Variants in CLTC observed in about 807,000 individuals in gnomAD.
CLTC encodes clathrin heavy chain 1.
CLTC carries 16 observed loss-of-function variants against 195.8 expected under a neutral mutation model. The ratio of observed to expected loss-of-function variants is 0.08; its 90% CI spans 0.06 to 0.12. The LOEUF (loss-of-function observed/expected upper bound fraction) is 0.12. Among genes scored for constraint, CLTC ranks in the 10% least tolerant of loss-of-function variants. CLTC has a pLI of 1.00. For synonymous variants in CLTC, 667 were observed against 689.4 expected (o/e 0.97, Z 0.51); for missense variants, 796 against 2,027.0 (o/e 0.39, Z 11.66).
Position 59,695,870 on chromosome 17 carries a change from A to C in CLTC, c.*2018A>C, listed in dbSNP as rs1373934517. On this transcript the variant is annotated 3_prime_UTR_variant, in exon 32 of 32. Transcript: ENST00000269122. Reference sequence around the variant, plus strand: ...TAATAATAGTATTATGAAAACATTGACTCTGTGGAGACCCTGTGGGTTCTG... The same window carrying C: ...TAATAATAGTATTATGAAAACATTGCCTCTGTGGAGACCCTGTGGGTTCTG... 1.0e-5 allele frequency: 2 copies of C among 196,162 alleles called. No homozygotes were observed. The highest frequency in any genetic ancestry group is 2.1e-5 in the Non-Finnish European group (2 of 94,636). 12.2% of individuals were successfully genotyped at this position (196,162 alleles called of 1,614,324 possible). A position where few individuals can be genotyped will look rare whatever the true frequency, so the allele number is the denominator to read the frequency against.
At position 59,682,129 on chromosome 17, in the gene CLTC, C is replaced by G. The variant is rs1019839584; in HGVS notation, c.3443-142C>G. 50 of 797,520 alleles carry G rather than the reference C, an allele frequency of 6.3e-5. No individual in the cohort carries two copies. The highest frequency in any genetic ancestry group is 9.7e-5 in the Non-Finnish European group (50 of 514,466). The allele number at this position is 797,520 out of a possible 1,614,324, so 49.4% of individuals were successfully genotyped here. ...TCTATTCATTTGGTCCGTGATAATA[C>G]AGAAGTGAAATATTGCACGGTTTAC... On this transcript the variant is annotated intron_variant, in intron 21 of 31. Transcript: ENST00000269122. The surrounding 1 kb of genome is among the most constrained non-coding windows in gnomAD (Gnocchi z 6.8).
At position 59,693,931 on chromosome 17, in the gene CLTC, A is replaced by G. The variant is rs529428177; in HGVS notation, c.*79A>G. The stretch of plus-strand genomic sequence containing the variant: ...CCCACTTCTCAGTTTATAATGGGGG[A>G]AAACAGGCAACGTGTTCTTGTAACC... On this transcript the variant is annotated 3_prime_UTR_variant, in exon 32 of 32. Transcript: ENST00000269122. 1 of 1,394,016 alleles carries G rather than the reference A, an allele frequency of 7.2e-7. No homozygotes were observed. The highest frequency in any genetic ancestry group is 1.6e-5 in the South Asian group (1 of 63,040). 86.4% of individuals were successfully genotyped at this position (1,394,016 alleles called of 1,614,324 possible).
At position 59,648,907 on chromosome 17, in the gene CLTC, C is replaced by G. The variant is rs1177709399; in HGVS notation, c.681+506C>G. On this transcript the variant is annotated intron_variant, in intron 4 of 31. Coordinates refer to ENST00000269122, the MANE Select transcript of CLTC (RefSeq NM_004859.4). This position sits in a 1 kb window ranked among gnomAD's most constrained non-coding sequence, Gnocchi z 4.5. ...ACAGGGTCTCACTATACTGCCCAGG[C>G]TGGTCTCAAACCTCTGGGTCCAAGT... Among the ~76,000 whole-genome samples the G allele has an allele frequency of 6.6e-6, 1 of 152,186 alleles. No homozygotes were observed. Among genetic ancestry groups the G allele is most frequent in the Admixed American group, 6.5e-5 (1 of 15,282 alleles).
intron 16 of CLTC, among the ~76,000 whole-genome samples, chr17:59,676,363 T>C (rs570321625): frequency 2.0e-4 from 30 of 152,232 alleles, no homozygotes; most frequent in Non-Finnish European, 3.8e-4. Flanking sequence ...GGTTTGGCTG[T>C]AGGTAATGCT....
chr17:59,626,111 T>TA (rs1171766573), intron 1 of CLTC, among the ~76,000 whole-genome samples: 6 of 152,330 alleles, frequency 3.9e-5, no homozygotes, highest in African/African-American at 7.2e-5. Flanking sequence ...TTTGAGTACT[T>TA]ACTGCAGATG....
At chr17:59,677,212 T>C (rs1267146579) in intron 17 of CLTC, 24 bp downstream of exon 17, 2 of 1,551,420 alleles carry the variant, frequency 1.3e-6, no homozygotes, top group Non-Finnish European at 1.8e-6. Flanking sequence ...GCTGAATATG[T>C]AGAGAAGCTG....
At chr17:59,671,569 C>A (rs1004908768) in intron 14 of CLTC, among the ~76,000 whole-genome samples, 1 of 152,174 alleles carries the variant, frequency 6.6e-6, no homozygotes, top group African/African-American at 2.4e-5. Context: ...TCATTAGCAT[C>A]ATTTGACTCA....
At chr17:59,621,582 C>T (rs959021875) in intron 1 of CLTC, among the ~76,000 whole-genome samples, 1 of 152,150 alleles carries the variant, frequency 6.6e-6, no homozygotes. Flanking sequence ...GACTTATTTT[C>T]CTTTAAGGCT....
rs372385170 is a variant in CLTC at position 59,676,834 on chromosome 17, C to T, written c.2562-120C>T. On this transcript the variant is annotated intron_variant, in intron 16 of 31. Coordinates refer to ENST00000269122, the MANE Select transcript of CLTC (RefSeq NM_004859.4). Reference sequence around the variant, plus strand: ...GGACAATGTAGCAATACTCGGGGGGCGGGGAAAAAGTATGTGAAAGCACAT... The same window carrying T: ...GGACAATGTAGCAATACTCGGGGGGTGGGGAAAAAGTATGTGAAAGCACAT... 87 of 729,752 alleles carry T rather than the reference C, an allele frequency of 1.2e-4. 1 individual carries two copies. In the Middle Eastern group the frequency reaches 1.5e-3, roughly 12 times the overall value. 45.2% of individuals were successfully genotyped at this position (729,752 alleles called of 1,614,324 possible).
chr17:59,645,849 A>G (rs562573583), intron 2 of CLTC, among the ~76,000 whole-genome samples: 1 of 78,708 alleles, frequency 1.3e-5, no homozygotes, highest in Admixed American at 1.4e-4. Context: ...ACTTCTATTT[A>G]GGGTATTAAG....
At position 59,666,696 on chromosome 17, in the gene CLTC, A is replaced by C. The variant is rs182966248; in HGVS notation, c.1947+52A>C. 2.8e-5 allele frequency: 44 copies of C among 1,567,956 alleles called. No homozygotes were observed. In the Admixed American group the frequency reaches 4.1e-4, roughly 15 times the overall value. ...GGTGTTAGTTGTGATTAATAGGTAC[A>C]CTGAAAATGTGTTTGTGGTACTAAA... is the stretch of plus-strand genomic sequence containing the variant. On this transcript the variant is annotated intron_variant, in intron 12 of 31. Coordinates refer to ENST00000269122, the MANE Select transcript of CLTC (RefSeq NM_004859.4). The surrounding 1 kb of genome is among the most constrained non-coding windows in gnomAD (Gnocchi z 4.9).
intron 1 of CLTC, among the ~76,000 whole-genome samples, chr17:59,638,564 AGTG>A (rs1287077842): frequency 7.2e-6 from 1 of 138,088 alleles, no homozygotes; most frequent in Non-Finnish European, 1.6e-5. Flanking sequence ...TGGGGGTGGG[AGTG>A]GGGGTGGGAT....
chr17:59,646,115 A>G (rs1199385370), intron 2 of CLTC: 1 of 349,324 alleles, frequency 2.9e-6, no homozygotes, highest in African/African-American at 2.2e-5. Context: ...ATAACATCAT[A>G]GATTTGTCCC....
Position 59,685,021 on chromosome 17 carries a change from CTGATCTG to C in CLTC, c.4435-34_4435-28del. On this transcript the variant is annotated intron_variant, in intron 28 of 31. Coordinates refer to ENST00000269122, the MANE Select transcript of CLTC (RefSeq NM_004859.4). The surrounding 1 kb of genome is among the most constrained non-coding windows in gnomAD (Gnocchi z 5.0). ...ACGGAATATAATGTTAAACAAAATACTGATCTGGCATTTGGATGGCTTTTTTTTTTTA... is the reference window on the plus strand; with the variant it reads ...ACGGAATATAATGTTAAACAAAATACGCATTTGGATGGCTTTTTTTTTTTA... 6.8e-7 allele frequency: 1 copy of C among 1,464,978 alleles called. No homozygotes were observed. Among genetic ancestry groups the C allele is most frequent in the Non-Finnish European group, 9.1e-7 (1 of 1,095,646 alleles). The allele number at this position is 1,464,978 out of a possible 1,614,324, so 90.7% of individuals were successfully genotyped here. A position where few individuals can be genotyped will look rare whatever the true frequency, so the allele number is the denominator to read the frequency against.
chr17:59,629,840 A>G (rs2031660065), intron 1 of CLTC, among the ~76,000 whole-genome samples: 1 of 151,314 alleles, frequency 6.6e-6, no homozygotes, highest in African/African-American at 2.4e-5. Context: ...ATTTACATAG[A>G]AAGATAAGAG....
intron 17 of CLTC, among the ~76,000 whole-genome samples, chr17:59,678,619 C>T (rs2143584564): frequency 6.6e-6 from 1 of 152,302 alleles, no homozygotes. Flanking sequence ...AACTTATTTT[C>T]TGGCACACAA....
At chr17:59,668,207 A>G (rs2032773195) in intron 13 of CLTC, among the ~76,000 whole-genome samples, 1 of 152,186 alleles carries the variant, frequency 6.6e-6, no homozygotes, top group African/African-American at 2.4e-5. Context: ...ATTATTTTGT[A>G]TGTTTCCTAT....
rs753312636 is a variant in CLTC at position 59,681,103 on chromosome 17, A to G, written c.3065+46A>G. 35 of 1,591,318 alleles carry G rather than the reference A, an allele frequency of 2.2e-5. No individual in the cohort carries two copies. In the East Asian group the frequency reaches 4.9e-4, roughly 22 times the overall value. ...ATTGGCTATTTATAGTCAGTCTTTA[A>G]TAAATTATGGCCCATCAGTTTTGGG... On this transcript the variant is annotated intron_variant, in intron 19 of 31. Transcript: ENST00000269122. This position sits in a 1 kb window ranked among gnomAD's most constrained non-coding sequence, Gnocchi z 5.0.
intron 17 of CLTC, among the ~76,000 whole-genome samples, chr17:59,678,656 G>A (rs2143584619): frequency 6.6e-6 from 1 of 152,252 alleles, no homozygotes; most frequent in Admixed American, 6.5e-5. Flanking sequence ...TGTACCTTCA[G>A]CAGCCCTGAA....
Sources: allele counts gnomAD v4.1 joint callset (sites outside exome capture counted in the v4.1 genomes callset), GRCh38; gene constraint gnomAD v4.1.1; non-coding constraint Gnocchi (gnomAD v3.1); transcripts MANE v1.5; gene names NCBI Gene and HGNC (gene_info 2026-07-23, HGNC 2026-07-21).